Variants in CTNNA2 observed in about 807,000 individuals in gnomAD.
The protein encoded by CTNNA2 is catenin alpha 2.
CTNNA2 carries 42 observed loss-of-function variants against 101.0 expected under a neutral mutation model. The ratio of observed to expected loss-of-function variants is 0.42; its 90% CI spans 0.32 to 0.54. The LOEUF is 0.54. Ranked by LOEUF, CTNNA2 falls within the 20% of genes least tolerant of loss-of-function variation. CTNNA2 has a pLI of 0.14. For synonymous variants in CTNNA2, 450 were observed against 456.4 expected, an observed-to-expected ratio of 0.99 and a Z score of 0.18; for missense variants, 871 against 1,223.1, an observed-to-expected ratio of 0.71 and a Z score of 4.29.
At chr2:79,906,681 C>T (rs1685450417) in intron 6 of CTNNA2, among the ~76,000 whole-genome samples, 1 of 152,146 alleles carries the variant, frequency 6.6e-6, no homozygotes. Context: ...GTAGGAAACT[C>T]AATTGGCTGA....
At chr2:80,050,805 ATCC>A (rs1340612550) in intron 7 of CTNNA2, among the ~76,000 whole-genome samples, 1 of 152,174 alleles carries the variant, frequency 6.6e-6, no homozygotes, top group Non-Finnish European at 1.5e-5. Context: ...GGATCAAGCA[ATCC>A]TCCTGCCTCA....
chr2:80,076,304 G>T (rs72924650), intron 7 of CTNNA2, among the ~76,000 whole-genome samples: 3,380 of 150,814 alleles, frequency 0.022, 99 homozygotes, highest in African/African-American at 0.066. Context: ...TTTTAGATAG[G>T]ATCTCACTCT....
chr2:80,474,071 A>G (rs968681796), intron 9 of CTNNA2, among the ~76,000 whole-genome samples: 1 of 152,130 alleles, frequency 6.6e-6, no homozygotes, highest in Non-Finnish European at 1.5e-5. Flanking sequence ...TTGCTTCCTG[A>G]CGCTGAGGCC....
At chr2:79,669,697 G>A (rs895346695) in intron 2 of CTNNA2, among the ~76,000 whole-genome samples, 7 of 152,178 alleles carry the variant, frequency 4.6e-5, no homozygotes, top group Non-Finnish European at 8.8e-5. Context: ...CTGCTGGCAG[G>A]TCGTCTCTGC....
At chr2:79,319,500 C>A (rs1676568584) in intron 3 of CTNNA2, among the ~76,000 whole-genome samples, 1 of 151,980 alleles carries the variant, frequency 6.6e-6, no homozygotes, top group African/African-American at 2.4e-5. Flanking sequence ...CTCTGAATAT[C>A]TTCATCCACA....
chr2:79,372,811 A>G (rs1677902144), intron 3 of CTNNA2, among the ~76,000 whole-genome samples: 1 of 152,212 alleles, frequency 6.6e-6, no homozygotes, highest in Admixed American at 6.5e-5. Context: ...AAGGCAATTG[A>G]ACGTTAATTG....
intron 3 of CTNNA2, among the ~76,000 whole-genome samples, chr2:79,827,386 A>G (rs1678531499): frequency 6.6e-6 from 1 of 152,194 alleles, no homozygotes; most frequent in Non-Finnish European, 1.5e-5. Flanking sequence ...TGATAAGCAT[A>G]AGCTGAAAGT....
At position 79,536,460 on chromosome 2, in the gene CTNNA2, T is replaced by C. The variant is rs186012017; in HGVS notation, c.-6+23253T>C. 1.0e-3 allele frequency among the ~76,000 whole-genome samples: 152 copies of C among 152,302 alleles called. 1 individual carries two copies. Among genetic ancestry groups the C allele is most frequent in the African/African-American group, 3.6e-3 (148 of 41,574 alleles). ...ATTCAGATACTCCAGATACCAGTAG[T>C]ACAATCTTAAAATTGCGAAACTGTG... On this transcript the variant is annotated intron_variant, in intron 1 of 18. Transcript: ENST00000402739.
chr2:80,617,410 T>C (rs1258363412), intron 17 of CTNNA2, among the ~76,000 whole-genome samples: 1 of 151,654 alleles, frequency 6.6e-6, no homozygotes, highest in Admixed American at 6.6e-5. Flanking sequence ...CAAAAAAAGC[T>C]GTTGAATATA....
intron 7 of CTNNA2, among the ~76,000 whole-genome samples, chr2:80,017,812 A>T (rs1365385262): frequency 6.6e-6 from 1 of 152,176 alleles, no homozygotes; most frequent in East Asian, 1.9e-4. Context: ...TCCCTGTCAC[A>T]GTAAGCCACG....
At chr2:79,618,233 A>C (rs988219705) in intron 1 of CTNNA2, among the ~76,000 whole-genome samples, 2 of 152,216 alleles carry the variant, frequency 1.3e-5, no homozygotes, top group Non-Finnish European at 2.9e-5. Flanking sequence ...GTTTTTCAGA[A>C]GATTGTCTTT....
chr2:80,461,577 A>C (rs1240587674), intron 9 of CTNNA2, among the ~76,000 whole-genome samples: 1 of 152,200 alleles, frequency 6.6e-6, no homozygotes, highest in Non-Finnish European at 1.5e-5. Context: ...TTTGTTTGAC[A>C]ATATACATGC....
intron 2 of CTNNA2, among the ~76,000 whole-genome samples, chr2:79,667,595 T>G (rs2104563689): frequency 6.6e-6 from 1 of 152,338 alleles, no homozygotes; most frequent in Admixed American, 6.5e-5. Flanking sequence ...GTCCAAAAAC[T>G]TTATGATGGG....
chr2:79,214,679 G>A (rs1674223688), intron 2 of CTNNA2, among the ~76,000 whole-genome samples: 1 of 152,064 alleles, frequency 6.6e-6, no homozygotes, highest in Non-Finnish European at 1.5e-5. Context: ...GGGGATACGA[G>A]AGGAAGACGC....
At chr2:79,466,276 C>T (rs146378490) in intron 4 of CTNNA2, among the ~76,000 whole-genome samples, 1,859 of 152,292 alleles carry the variant, frequency 0.012, 24 homozygotes, top group African/African-American at 0.037. Context: ...GAGACTCGCT[C>T]ATTGCTAGCA....
In CTNNA2 at chr2:80,302,395, C is replaced by T. The variant is rs1676411962; in HGVS notation, c.1057-90816C>T. 3 of 1,614,252 alleles carry T rather than the reference C, an allele frequency of 1.9e-6. No homozygotes were observed. Among genetic ancestry groups the T allele is most frequent in the Admixed American group, 1.7e-5 (1 of 60,036 alleles). ...ACATGGCAGCCATCTGATGCATGGT[C>T]TGTTTCTGCTTTTGCTTCCTGCGCT... On this transcript the variant is annotated intron_variant, in intron 7 of 18. Transcript: ENST00000402739. The surrounding 1 kb of genome is among the most constrained non-coding windows in gnomAD (Gnocchi z 6.4).
intron 2 of CTNNA2, among the ~76,000 whole-genome samples, chr2:79,713,753 G>A (rs1183871537): frequency 6.6e-6 from 1 of 152,162 alleles, no homozygotes; most frequent in Non-Finnish European, 1.5e-5. Context: ...CTGTAGAGAG[G>A]CTTGTAAGGC....
intron 2 of CTNNA2, among the ~76,000 whole-genome samples, chr2:79,278,699 A>G (rs1206170932): frequency 2.0e-5 from 3 of 152,144 alleles, no homozygotes; most frequent in African/African-American, 7.2e-5. Context: ...GACTCTCTCT[A>G]CCTCCAGGCT....
intron 6 of CTNNA2, among the ~76,000 whole-genome samples, chr2:79,905,552 C>A (rs1241515655): frequency 6.6e-6 from 1 of 152,166 alleles, no homozygotes; most frequent in East Asian, 1.9e-4. Context: ...TGTTGGTGTG[C>A]TGCCCTCTTA....
Sources: allele counts gnomAD v4.1 joint callset (sites outside exome capture counted in the v4.1 genomes callset), GRCh38; gene constraint gnomAD v4.1.1; non-coding constraint Gnocchi (gnomAD v3.1); transcripts MANE v1.5; gene names NCBI Gene and HGNC (gene_info 2026-07-23, HGNC 2026-07-21).